Variants in CLEC1A observed in about 807,000 individuals in gnomAD.
CLEC1A encodes the protein C-type lectin domain family 1 member A, also known as C-type lectin-like receptor-1.
CLEC1A carries 34 observed loss-of-function variants against 28.7 expected under a neutral mutation model. The ratio of observed to expected loss-of-function variants is 1.18; its 90% CI spans 0.90 to 1.57. CLEC1A has a LOEUF of 1.57. Ranked by LOEUF, CLEC1A falls within the 40% of genes most tolerant of loss-of-function variation. The pLI is 0.00. For synonymous variants in CLEC1A, 116 were observed against 121.0 expected, an observed-to-expected ratio of 0.96 and a Z score of 0.27; for missense variants, 385 against 339.5, an observed-to-expected ratio of 1.13 and a Z score of -1.05.
At chr12:10,084,335 C>T (rs550791359) in intron 2 of CLEC1A, 6 of 152,284 alleles carry the variant, frequency 3.9e-5, no homozygotes, top group East Asian at 3.9e-4. Context: ...TCGAAGAGGA[C>T]GACCACACCC....
chr12:10,070,862 A>G lies in CLEC1A; in HGVS notation c.*471T>C, dbSNP rs1024467609. On this transcript the variant is annotated 3_prime_UTR_variant, in exon 6 of 6. Coordinates refer to ENST00000315330, the MANE Select transcript of CLEC1A (RefSeq NM_016511.4). ...TGGGAAGGGACTAGTATGAACTGAA[A>G]CAAACAAAAAGAATTCCTTGTGTAT... 6.5e-6 allele frequency: 1 copy of G among 153,604 alleles called. No homozygotes were observed. Among genetic ancestry groups the G allele is most frequent in the Non-Finnish European group, 1.4e-5 (1 of 69,004 alleles). 9.5% of individuals were successfully genotyped at this position (153,604 alleles called of 1,614,324 possible).
At chr12:10,096,932 G>C (rs914298453) in intron 1 of CLEC1A, among the ~76,000 whole-genome samples, 4 of 151,976 alleles carry the variant, frequency 2.6e-5, no homozygotes, top group African/African-American at 9.7e-5. Context: ...TTAAGCTCTC[G>C]GCTGTACTGT....
intron 2 of CLEC1A, among the ~76,000 whole-genome samples, chr12:10,082,318 AGGATATAAACTTCGT>A (rs983635779): frequency 6.6e-6 from 1 of 152,128 alleles, no homozygotes; most frequent in African/African-American, 2.4e-5. Flanking sequence ...ATGAGCTGCC[AGGATATAAACTTCGT>A]GGTGTTGGTG....
chr12:10,075,377 A>G, intron 4 of CLEC1A, 127 bp downstream of exon 4: 2 of 901,152 alleles, frequency 2.2e-6, no homozygotes, highest in Admixed American at 2.5e-5. Context: ...AATAAGACTC[A>G]GGCCCTGATC....
intron 1 of CLEC1A, among the ~76,000 whole-genome samples, chr12:10,095,279 T>C (rs1436588464): frequency 6.6e-6 from 1 of 152,192 alleles, no homozygotes; most frequent in East Asian, 1.9e-4. Context: ...GGAACTTGAA[T>C]TTATTATTAA....
rs187810837 is a variant in CLEC1A at position 10,096,844 on chromosome 12, A to T, written c.115+1964T>A. On this transcript the variant is annotated intron_variant, in intron 1 of 5. Coordinates refer to ENST00000315330, the MANE Select transcript of CLEC1A (RefSeq NM_016511.4). ...TGTGGAAGATGTTAAAATTAACTCA[A>T]CTCCACAGTTGCTCCTTCTGTTAAG... 8.6e-5 allele frequency among the ~76,000 whole-genome samples: 13 copies of T among 152,046 alleles called. No individual in the cohort carries two copies. The East Asian group carries it at 2.5e-3, about 30-fold the overall frequency.
At chr12:10,071,963 TC>T (rs1866144908) in intron 5 of CLEC1A, among the ~76,000 whole-genome samples, 1 of 152,232 alleles carries the variant, frequency 6.6e-6, no homozygotes, top group Non-Finnish European at 1.5e-5. Context: ...ATTTCCTCTT[TC>T]AAAGGATACT....
intron 3 of CLEC1A, 119 bp downstream of exon 3, chr12:10,081,118 C>A (rs571790978): frequency 3.6e-6 from 3 of 830,966 alleles, no homozygotes; most frequent in South Asian, 2.0e-5. Context: ...GAAGCCCAAA[C>A]CCTTTTTCAG....
In CLEC1A at chr12:10,071,362, G is replaced by C; in HGVS notation, c.814C>G (p.Pro272Ala). 2 of 1,613,656 alleles carry C rather than the reference G, an allele frequency of 1.2e-6. No homozygotes were observed. Among genetic ancestry groups the C allele is most frequent in the Non-Finnish European group, 1.7e-6 (2 of 1,179,774 alleles). The part of the protein sequence containing the change: ...GMVKPESLHV[P>A]PETLGEGD ...TCACCTTCGCCTAATGTTTCAGGGG[G>C]GACATGGAGGCTCTCTGGCTTCACC... Residue 272 changes from proline to alanine, a missense_variant, in exon 6 of 6, where the codon CCC becomes GCC. Pro to Ala is a conservative substitution (Grantham distance 27). Transcript: ENST00000315330.
intron 3 of CLEC1A, among the ~76,000 whole-genome samples, chr12:10,076,580 G>C (rs1866255872): frequency 6.6e-6 from 1 of 152,142 alleles, no homozygotes; most frequent in South Asian, 2.1e-4. Context: ...AGGTCGGCTT[G>C]CTTCAGAATT....
At chr12:10,071,792 T>G (rs1316951828) in intron 5 of CLEC1A, among the ~76,000 whole-genome samples, 1 of 152,224 alleles carries the variant, frequency 6.6e-6, no homozygotes, top group Non-Finnish European at 1.5e-5. Flanking sequence ...TAAAAAGTTC[T>G]CTACCTTCTC....
chr12:10,089,944 A>G (rs1262940904), intron 1 of CLEC1A, among the ~76,000 whole-genome samples: 2 of 152,208 alleles, frequency 1.3e-5, no homozygotes, highest in African/African-American at 4.8e-5. Flanking sequence ...CTCGCCCTCC[A>G]TTCCCATAAG....
At chr12:10,074,233 G>A (rs1209346070) in intron 4 of CLEC1A, among the ~76,000 whole-genome samples, 1 of 152,036 alleles carries the variant, frequency 6.6e-6, no homozygotes, top group African/African-American at 2.4e-5. Flanking sequence ...AGTTTCTCAA[G>A]GCCGTACACT....
At chr12:10,095,058 C>T (rs1947758820) in intron 1 of CLEC1A, among the ~76,000 whole-genome samples, 1 of 152,100 alleles carries the variant, frequency 6.6e-6, no homozygotes, top group Admixed American at 6.5e-5. Flanking sequence ...TAGAGTATTC[C>T]TTCCACTTCT....
At chr12:10,096,703 T>A (rs185290686) in intron 1 of CLEC1A, among the ~76,000 whole-genome samples, 1 of 152,276 alleles carries the variant, frequency 6.6e-6, no homozygotes, top group Non-Finnish European at 1.5e-5. Flanking sequence ...TACATATTGC[T>A]TATAGTTCTC....
chr12:10,097,014 T>C (rs1947786285), intron 1 of CLEC1A, among the ~76,000 whole-genome samples: 1 of 152,188 alleles, frequency 6.6e-6, no homozygotes, highest in African/African-American at 2.4e-5. Context: ...TCAATTTCCT[T>C]ATGAACAGGG....
At chr12:10,072,760 C>G (rs1344944802) in intron 5 of CLEC1A, among the ~76,000 whole-genome samples, 2 of 152,134 alleles carry the variant, frequency 1.3e-5, no homozygotes, top group African/African-American at 4.8e-5. Flanking sequence ...GTATCTGTCT[C>G]CCTCACTGGC....
Position 10,071,434 on chromosome 12 carries a change from C to T in CLEC1A, c.742G>A (p.Asp248Asn), listed in dbSNP as rs1166363079. ...AILNGMIFSK[D>N]CKELKRCVCE... ...ACACAACGCTTCAATTCTTTGCAGT[C>T]CTTTGAGAAGATCATCCCATTAAGG... The change falls in exon 6 of 6, where the codon GAC becomes AAC. Residue 248 changes from aspartate to asparagine, a missense_variant. Transcript: ENST00000315330. 2.5e-6 allele frequency: 4 copies of T among 1,613,980 alleles called. No homozygotes were observed. Among genetic ancestry groups the T allele is most frequent in the South Asian group, 1.1e-5 (1 of 91,068 alleles).
At chr12:10,097,072 C>T (rs113663394) in intron 1 of CLEC1A, among the ~76,000 whole-genome samples, 5 of 152,020 alleles carry the variant, frequency 3.3e-5, no homozygotes, top group Non-Finnish European at 5.9e-5. Context: ...ATAACATGAC[C>T]CCAAACATAA....
Sources: allele counts gnomAD v4.1 joint callset (sites outside exome capture counted in the v4.1 genomes callset), GRCh38; gene constraint gnomAD v4.1.1; transcripts MANE v1.5; gene names NCBI Gene and HGNC (gene_info 2026-07-23, HGNC 2026-07-21).